Variants in AFF3 observed in about 807,000 individuals in gnomAD.
AFF3 encodes the protein ALF transcription elongation factor 3.
A neutral mutation model predicts 129.7 loss-of-function variants in AFF3; 32 were observed. That is an observed-to-expected ratio of 0.25 (90% confidence interval 0.19 to 0.33). AFF3 has a LOEUF of 0.33. Ranked by LOEUF, AFF3 falls within the 10% of genes least tolerant of loss-of-function variation. AFF3 has a pLI of 1.00. For synonymous variants in AFF3, 644 were observed against 635.4 expected, an observed-to-expected ratio of 1.01 and a Z score of -0.20; for missense variants, 1,373 against 1,592.0, an observed-to-expected ratio of 0.86 and a Z score of 2.34.
At chr2:99,895,787 G>T (rs140736229) in intron 7 of AFF3, among the ~76,000 whole-genome samples, 1 of 152,166 alleles carries the variant, frequency 6.6e-6, no homozygotes, top group African/African-American at 2.4e-5. Flanking sequence ...AAGCTGTCTC[G>T]GATGGGCGTG....
At chr2:99,830,012 T>C (rs1284367920) in intron 8 of AFF3, among the ~76,000 whole-genome samples, 1 of 152,154 alleles carries the variant, frequency 6.6e-6, no homozygotes, top group East Asian at 1.9e-4. Flanking sequence ...CTCAGCAAAC[T>C]AACACAAGAA....
chr2:99,839,269 C>T (rs1253702089), intron 7 of AFF3, among the ~76,000 whole-genome samples: 1 of 152,082 alleles, frequency 6.6e-6, no homozygotes, highest in African/African-American at 2.4e-5. Flanking sequence ...ACCACCATGC[C>T]CAGCTAATTT....
chr2:99,851,626 A>G (rs770708044), intron 7 of AFF3, among the ~76,000 whole-genome samples: 1 of 152,212 alleles, frequency 6.6e-6, no homozygotes, highest in Non-Finnish European at 1.5e-5. Context: ...TTCTGGCTTT[A>G]GAAAAATCAA....
At chr2:99,609,719 C>T (rs1575497890) in intron 13 of AFF3, among the ~76,000 whole-genome samples, 1 of 152,284 alleles carries the variant, frequency 6.6e-6, no homozygotes, top group East Asian at 1.9e-4. Flanking sequence ...GTACAGAGAT[C>T]GTTCTTGTGC....
At chr2:99,595,519 G>T (rs1241300937) in intron 14 of AFF3, among the ~76,000 whole-genome samples, 1 of 151,296 alleles carries the variant, frequency 6.6e-6, no homozygotes, top group Non-Finnish European at 1.5e-5. Context: ...TGTTGCCAGA[G>T]AAAAAATGGT....
chr2:99,757,742 T>C (rs905009154), intron 8 of AFF3, among the ~76,000 whole-genome samples: 14 of 152,206 alleles, frequency 9.2e-5, no homozygotes, highest in Non-Finnish European at 1.6e-4. Flanking sequence ...ATACCACGCT[T>C]TGCACATGCT....
intron 4 of AFF3, among the ~76,000 whole-genome samples, chr2:100,068,846 T>C (rs2105286628): frequency 6.6e-6 from 1 of 152,332 alleles, no homozygotes; most frequent in East Asian, 1.9e-4. Context: ...AAGGTCCCCA[T>C]GACAGTCACT....
intron 4 of AFF3, among the ~76,000 whole-genome samples, chr2:100,037,643 A>T (rs1168590199): frequency 3.1e-5 from 3 of 95,438 alleles, no homozygotes; most frequent in East Asian, 5.0e-4. Flanking sequence ...TTTATATATA[A>T]ATATATATTT....
At chr2:99,610,206 C>A (rs544035945) in intron 13 of AFF3, among the ~76,000 whole-genome samples, 5 of 152,264 alleles carry the variant, frequency 3.3e-5, no homozygotes, top group African/African-American at 9.6e-5. Context: ...ACCACCACCA[C>A]GATTAAAATG....
intron 8 of AFF3, among the ~76,000 whole-genome samples, chr2:99,758,274 T>A (rs1033163999): frequency 3.9e-5 from 6 of 152,136 alleles, no homozygotes; most frequent in Non-Finnish European, 7.4e-5. Flanking sequence ...CAGAAAAACT[T>A]CACTGCTCTA....
chr2:99,959,608 A>C (rs1677026247), intron 7 of AFF3, among the ~76,000 whole-genome samples: 1 of 151,136 alleles, frequency 6.6e-6, no homozygotes, highest in South Asian at 2.1e-4. Flanking sequence ...TGTTACACGT[A>C]ATCCTTTTAG....
chr2:99,814,244 A>G (rs929472676), intron 8 of AFF3, among the ~76,000 whole-genome samples: 2 of 151,104 alleles, frequency 1.3e-5, no homozygotes, highest in African/African-American at 4.9e-5. Context: ...CACCACCACC[A>G]CCACCACCAC....
chr2:99,754,456 T>C (rs1242168865), intron 8 of AFF3, among the ~76,000 whole-genome samples: 1 of 152,238 alleles, frequency 6.6e-6, no homozygotes, highest in Non-Finnish European at 1.5e-5. Flanking sequence ...GGTATGTCTA[T>C]GTTAACTTTG....
intron 2 of AFF3, among the ~76,000 whole-genome samples, chr2:100,118,933 TG>T (rs1445661770): frequency 1.3e-5 from 2 of 152,084 alleles, no homozygotes; most frequent in Non-Finnish European, 2.9e-5. Context: ...CCCGAGTAGC[TG>T]GGATTACAGG....
chr2:99,915,405 A>G lies in AFF3; in HGVS notation c.874-77881T>C, dbSNP rs146647912. The stretch of plus-strand genomic sequence containing the variant: ...TTATATAAACATACAAATGTAATAA[A>G]AGCCATACAAACCTGGCCTGGATAC... On this transcript the variant is annotated intron_variant, in intron 7 of 24. Coordinates refer to ENST00000672756, the MANE Select transcript of AFF3 (RefSeq NM_001386135.1). Among the ~76,000 whole-genome samples the G allele has an allele frequency of 6.2e-3, 949 of 152,316 alleles. 6 individuals carry two copies. Among genetic ancestry groups the G allele is most frequent in the Non-Finnish European group, 0.011 (737 of 68,036 alleles).
rs184049988 is a variant in AFF3 at position 99,581,621 on chromosome 2, C to A, written c.2793+1177G>T. 1.3e-3 allele frequency among the ~76,000 whole-genome samples: 202 copies of A among 151,812 alleles called. 1 individual carries two copies. The highest frequency in any genetic ancestry group is 4.6e-3 in the African/African-American group (192 of 41,370). On this transcript the variant is annotated intron_variant, in intron 17 of 24. Transcript: ENST00000672756. ...GTAACCTCCACCTCCCAGGTTCAAG[C>A]GATTCTCCTGCTTCAGCCTCCTGAG... is the stretch of plus-strand genomic sequence containing the variant.
chr2:99,760,917 C>T (rs1326487046), intron 8 of AFF3, among the ~76,000 whole-genome samples: 1 of 152,012 alleles, frequency 6.6e-6, no homozygotes, highest in Non-Finnish European at 1.5e-5. Context: ...TTCTTAGTCA[C>T]CTGCCCTTTT....
chr2:99,640,283 G>C (rs1292505546), intron 13 of AFF3, among the ~76,000 whole-genome samples: 1 of 151,502 alleles, frequency 6.6e-6, no homozygotes. Flanking sequence ...TTCTTCTCTT[G>C]GTTTTTAAGC....
At chr2:99,682,611 C>T (rs1674635046) in intron 11 of AFF3, among the ~76,000 whole-genome samples, 2 of 152,212 alleles carry the variant, frequency 1.3e-5, no homozygotes, top group Admixed American at 6.5e-5. Context: ...CCCACACTTT[C>T]GTCAAGACTG....
Sources: gnomAD v4.1 joint callset for allele counts (sites outside exome capture counted in the v4.1 genomes callset) on GRCh38, gnomAD v4.1.1 for gene constraint, MANE v1.5 for transcripts, NCBI Gene and HGNC (gene_info 2026-07-23, HGNC 2026-07-21) for gene names.